The following SRCAP variants were observed in gnomAD, a reference collection of about 807,000 sequenced individuals.
SRCAP encodes Snf2 related CREBBP activator protein.
Under a neutral mutation model 263.1 loss-of-function variants are expected in SRCAP, and 46 were observed. The ratio of observed to expected loss-of-function variants is 0.17; its 90% CI spans 0.14 to 0.22. The LOEUF is 0.22. Among genes scored for constraint, SRCAP ranks in the 10% least tolerant of loss-of-function variants. The pLI is 1.00. For missense variants in SRCAP, 3,695 were observed against 4,181.9 expected, an observed-to-expected ratio of 0.88 and a Z score of 3.21; for synonymous variants, 1,813 against 1,662.1, an observed-to-expected ratio of 1.09 and a Z score of -2.21.
At chr16:30,727,384 G>A (rs116741930) in intron 25 of SRCAP, among the ~76,000 whole-genome samples, 7 of 152,236 alleles carry the variant, frequency 4.6e-5, no homozygotes, top group East Asian at 3.9e-4. Flanking sequence ...TTTTTCAGAC[G>A]TATGGTTTAC....
rs755336093 is a variant in SRCAP, at chr16:30,713,151, CCTTTGCTCTCTTCT to C, written c.2131-56_2131-43del. 4,751 of 1,564,752 alleles carry C rather than the reference CCTTTGCTCTCTTCT, an allele frequency of 3.0e-3. 11 individuals carry two copies. The highest frequency in any genetic ancestry group is 3.8e-3 in the Non-Finnish European group (4,380 of 1,140,120). On this transcript the variant is annotated intron_variant, in intron 14 of 33. Coordinates refer to ENST00000262518, the MANE Select transcript of SRCAP (RefSeq NM_006662.3). The stretch of plus-strand genomic sequence containing the variant: ...CCTTTGAGGAGTTTAGCATGTCTTC[CCTTTGCTCTCTTCT>C]TTTCATCCCACTATCTGCTACTTTC...
intron 22 of SRCAP, 137 bp downstream of exon 22, chr16:30,722,423 G>T: frequency 6.7e-7 from 1 of 1,498,016 alleles, no homozygotes; most frequent in Non-Finnish European, 9.0e-7. Flanking sequence ...ATGGTTGGAG[G>T]GATCTTGGAT....
chr16:30,734,236 G>A (rs973833968), intron 30 of SRCAP: 11 of 622,424 alleles, frequency 1.8e-5, no homozygotes, highest in African/African-American at 1.7e-4. Flanking sequence ...CCAGCTGCTT[G>A]GAAGGCTGAG....
intron 21 of SRCAP, 61 bp from the exon 22 acceptor site, chr16:30,722,061 T>C: frequency 6.4e-7 from 1 of 1,562,222 alleles, no homozygotes; most frequent in Non-Finnish European, 8.7e-7. Context: ...CTTCATGGGG[T>C]CTGTGAAGTG....
chr16:30,715,908 G>A (rs2052944237), intron 16 of SRCAP, among the ~76,000 whole-genome samples, 158 bp from the exon 17 acceptor site: 1 of 152,138 alleles, frequency 6.6e-6, no homozygotes, highest in Non-Finnish European at 1.5e-5. Context: ...TCCTTCAGCA[G>A]ACAGCAGATC....
chr16:30,712,591 G>A, intron 13 of SRCAP, 88 bp from the exon 14 acceptor site: 2 of 1,573,198 alleles, frequency 1.3e-6, no homozygotes, highest in South Asian at 1.2e-5. Context: ...TTCCTAGGAA[G>A]GGCCAAAGGG....
rs1229895068 is a variant in SRCAP at position 30,737,851 on chromosome 16, C to T, written c.7811C>T (p.Pro2604Leu). 4 of 1,614,176 alleles carry T rather than the reference C, an allele frequency of 2.5e-6. No individual in the cohort carries two copies. In the African/African-American group the frequency reaches 4.0e-5, roughly 16 times the overall value. Residue 2604 changes from proline to leucine, a missense_variant, in exon 34 of 34, where the codon CCT (proline) becomes CTT (leucine). Transcript: ENST00000262518. ...TCAGAGAAGAACCTTTCTCTCACCC[C>T]TTCTGCACCCAGCCTGACCTTGGAG... ...PVSEKNLSLT[P>L]SAPSLTLEAG... is the part of the protein sequence containing the mutation.
chr16:30,729,494 C>T lies in SRCAP; in HGVS notation c.6049C>T (p.Arg2017Trp), dbSNP rs369481213. 2.0e-5 allele frequency: 32 copies of T among 1,614,084 alleles called. No individual in the cohort carries two copies. Among genetic ancestry groups the T allele is most frequent in the Non-Finnish European group, 2.6e-5 (31 of 1,180,040 alleles). ...GCAATTGGCCTCTGAGCTCTGGCCC[C>T]GGGCTCGTCCTTTGCACCGTATTGT... Reference protein sequence around the residue: ...QEQLASELWPRARPLHRIVCN... With the variant: ...QEQLASELWPWARPLHRIVCN... The change falls in exon 27 of 34, where the codon CGG (arginine) becomes TGG (tryptophan). Residue 2017 changes from arginine to tryptophan, a missense_variant. This residue lies in a region of SRCAP where 1,347 missense variants were observed against 1,304.4 expected (regional missense o/e 1.03). Transcript: ENST00000262518.
chr16:30,733,846 T>C lies in SRCAP; in HGVS notation c.6494+48T>C, dbSNP rs2053135082. On this transcript the variant is annotated intron_variant, in intron 29 of 33. Coordinates refer to ENST00000262518, the MANE Select transcript of SRCAP (RefSeq NM_006662.3). This position sits in a 1 kb window ranked among gnomAD's most constrained non-coding sequence, Gnocchi z 5.3. ...CTTACTTTCCGTTTACTGATGGGGT[T>C]TCCTGGATATATTTGGCTGCTTACA... The C allele has an allele frequency of 6.2e-7, 1 of 1,612,540 alleles. No homozygotes were observed. The highest frequency in any genetic ancestry group is 2.2e-5 in the East Asian group (1 of 44,866).
intron 24 of SRCAP, 116 bp downstream of exon 24, chr16:30,723,345 T>G (rs2053029958): frequency 2.1e-6 from 3 of 1,457,620 alleles, no homozygotes; most frequent in Non-Finnish European, 2.7e-6. Flanking sequence ...CTGCCTTGAT[T>G]TGTAGTGGGC....
At chr16:30,700,908 C>A in intron 3 of SRCAP, 30 bp downstream of exon 3, 1 of 1,611,002 alleles carries the variant, frequency 6.2e-7, no homozygotes, top group Non-Finnish European at 8.5e-7. Context: ...TCCTTCTCTG[C>A]TTCTGCTTTG....
chr16:30,717,716 A>G (rs2052966571), intron 18 of SRCAP, among the ~76,000 whole-genome samples: 1 of 145,008 alleles, frequency 6.9e-6, no homozygotes, highest in African/African-American at 2.6e-5. Context: ...AAGTTCAAGC[A>G]ATTTTCCACA....
rs151230923 is a variant in SRCAP at position 30,723,646 on chromosome 16, C to G, written c.4222C>G (p.Pro1408Ala). The part of the protein sequence containing the change: ...SSPLHVPSSL[P>A]GPASSPMPIP... ...TCCTCTCCACGTGCCATCCTCCCTCCCTGGGCCAGCCTCTTCTCCAATGCC... is the reference window on the plus strand; with the variant it reads ...TCCTCTCCACGTGCCATCCTCCCTCGCTGGGCCAGCCTCTTCTCCAATGCC... The change falls in exon 25 of 34, where the codon CCT (proline) becomes GCT (alanine). Residue 1408 changes from proline (P) to alanine (A), a missense_variant. By Grantham distance (27) the Pro-to-Ala change is conservative. Around this residue, in one of 12 missense-constraint regions of SRCAP, gnomAD observed 1,347 missense variants for 1,304.4 expected, o/e 1.03. Coordinates refer to ENST00000262518, the MANE Select transcript of SRCAP (RefSeq NM_006662.3). 17 of 1,613,766 alleles carry G rather than the reference C, an allele frequency of 1.1e-5. No homozygotes were observed. In the East Asian group the frequency reaches 3.1e-4, roughly 30 times the overall value.
chr16:30,715,425 C>T (rs1317065357), intron 16 of SRCAP, among the ~76,000 whole-genome samples: 2 of 152,020 alleles, frequency 1.3e-5, no homozygotes, highest in Non-Finnish European at 2.9e-5. Context: ...ATTAGCCGGG[C>T]GCGGTGGCGG....
intron 16 of SRCAP, 133 bp from the exon 17 acceptor site, chr16:30,715,933 A>G (rs552401552): frequency 1.8e-6 from 2 of 1,137,302 alleles, no homozygotes; most frequent in South Asian, 3.1e-5. Context: ...GAGGGCTTGC[A>G]GTTGACTCAT....
intron 16 of SRCAP, 84 bp from the exon 17 acceptor site, chr16:30,715,982 C>T: frequency 4.5e-6 from 7 of 1,569,284 alleles, no homozygotes; most frequent in Non-Finnish European, 8.7e-7. Flanking sequence ...TGCCGTATGA[C>T]TCCATTAGTG....
intron 16 of SRCAP, among the ~76,000 whole-genome samples, chr16:30,714,939 C>T (rs1338828134): frequency 6.6e-6 from 1 of 152,114 alleles, no homozygotes; most frequent in Non-Finnish European, 1.5e-5. Context: ...CTCTGGTCTT[C>T]TTTGGCTCTT....
intron 4 of SRCAP, among the ~76,000 whole-genome samples, 155 bp downstream of exon 4, chr16:30,704,470 A>G (rs1427270279): frequency 1.3e-5 from 2 of 152,124 alleles, no homozygotes; most frequent in Non-Finnish European, 2.9e-5. Flanking sequence ...CTGCTTGAAT[A>G]TTGAGTCTCA....
intron 21 of SRCAP, 86 bp from the exon 22 acceptor site, chr16:30,722,036 C>T (rs1020597072): frequency 1.8e-5 from 27 of 1,502,026 alleles, no homozygotes; most frequent in Admixed American, 6.1e-5. Context: ...ACTGGACACT[C>T]GGGGGAGAGG....
Sources: allele counts gnomAD v4.1 joint callset (sites outside exome capture counted in the v4.1 genomes callset), GRCh38; gene constraint gnomAD v4.1.1; regional missense constraint gnomAD v4.1.1; non-coding constraint Gnocchi (gnomAD v3.1); transcripts MANE v1.5; gene names NCBI Gene and HGNC (gene_info 2026-07-23, HGNC 2026-07-21).